SCN9A: variants seen among roughly 807,000 people sequenced by gnomAD.
SCN9A encodes the protein sodium channel protein type 9 subunit alpha.
Under a neutral mutation model 187.0 loss-of-function variants are expected in SCN9A, and 131 were observed. That is an observed-to-expected ratio of 0.70 (90% CI 0.61 to 0.81). SCN9A has a LOEUF of 0.81. Among genes scored for constraint, SCN9A ranks in the 30% least tolerant of loss-of-function variants. SCN9A has a pLI of 0.00. For missense variants in SCN9A, 2,252 were observed against 2,396.6 expected (o/e 0.94, Z 1.26); for synonymous variants, 809 against 808.6 (o/e 1.00, Z -0.01).
intron 24 of SCN9A, among the ~76,000 whole-genome samples, chr2:166,217,596 T>A (rs1265984158): frequency 6.6e-6 from 1 of 151,962 alleles, no homozygotes; most frequent in South Asian, 2.1e-4. Flanking sequence ...GAATGGCCAA[T>A]AGATATATTA....
intron 24 of SCN9A, among the ~76,000 whole-genome samples, chr2:166,207,745 T>C (rs16851787): frequency 0.03 from 4,537 of 152,234 alleles, 231 homozygotes; most frequent in African/African-American, 0.1. Context: ...CCGGCCACCT[T>C]AGAGTGTTTT....
intron 17 of SCN9A, among the ~76,000 whole-genome samples, chr2:166,255,392 T>C (rs1696223006): frequency 6.6e-6 from 1 of 151,566 alleles, no homozygotes; most frequent in Admixed American, 6.6e-5. Context: ...ATGTCCTAAG[T>C]TGTTCACTTA....
At chr2:166,290,276 C>T (rs1340465198) in intron 9 of SCN9A, among the ~76,000 whole-genome samples, 1 of 152,132 alleles carries the variant, frequency 6.6e-6, no homozygotes, top group African/African-American at 2.4e-5. Flanking sequence ...CATAGTATTC[C>T]ATGGTGTATA....
chr2:166,319,897 G>A (rs1168363110), intron 1 of SCN9A, among the ~76,000 whole-genome samples: 1 of 152,034 alleles, frequency 6.6e-6, no homozygotes, highest in African/African-American at 2.4e-5. Flanking sequence ...CCTGGCTAAA[G>A]TTTAAGTAAC....
At chr2:166,232,930 G>T (rs961207368) in intron 21 of SCN9A, among the ~76,000 whole-genome samples, 5 of 146,086 alleles carry the variant, frequency 3.4e-5, no homozygotes, top group Non-Finnish European at 7.5e-5. Flanking sequence ...ATATACTAAT[G>T]AGTATTATAC....
intron 1 of SCN9A, among the ~76,000 whole-genome samples, chr2:166,356,168 CTT>C (rs1013795408): frequency 1.3e-5 from 2 of 152,180 alleles, no homozygotes; most frequent in African/African-American, 2.4e-5. Context: ...GCCTCTGCCT[CTT>C]TTCTTTTCTC....
At chr2:166,295,008 G>T (rs1698236360) in intron 7 of SCN9A, among the ~76,000 whole-genome samples, 1 of 152,144 alleles carries the variant, frequency 6.6e-6, no homozygotes, top group Admixed American at 6.5e-5. Context: ...ATGATCTAAA[G>T]AAAATAAATT....
intron 1 of SCN9A, among the ~76,000 whole-genome samples, 159 bp downstream of exon 1, chr2:166,375,538 C>A (rs1421720553): frequency 6.6e-6 from 1 of 152,194 alleles, no homozygotes; most frequent in African/African-American, 2.4e-5. Context: ...CCCGGTCAAG[C>A]TTCTCCCCTC....
Position 166,199,153 on chromosome 2 carries a change from G to C in SCN9A, c.5486C>G (p.Pro1829Arg), listed in dbSNP as rs1179200678. Residue 1829 changes from proline to arginine, a missense_variant, in exon 27 of 27, where the codon CCC (proline) becomes CGC (arginine). Coordinates refer to ENST00000642356, the MANE Select transcript of SCN9A (RefSeq NM_001365536.1). Reference protein sequence around the residue: ...NKVQLIAMDLPMVSGDRIHCL... With the variant: ...NKVQLIAMDLRMVSGDRIHCL... ...ATGGATCCGGTCACCACTAACCATG[G>C]GCAGATCCATGGCAATGAGCTGGAC... is the stretch of plus-strand genomic sequence containing the variant. The C allele has an allele frequency of 4.3e-6, 7 of 1,613,976 alleles. No homozygotes were observed. In the Admixed American group the frequency reaches 1.2e-4, roughly 27 times the overall value.
chr2:166,360,807 C>T (rs1209265878), intron 1 of SCN9A, among the ~76,000 whole-genome samples: 1 of 152,190 alleles, frequency 6.6e-6, no homozygotes, highest in Non-Finnish European at 1.5e-5. Context: ...CTTCCCTATA[C>T]AGACTGAAAT....
At chr2:166,355,891 G>A (rs1474877832) in intron 1 of SCN9A, among the ~76,000 whole-genome samples, 3 of 151,716 alleles carry the variant, frequency 2.0e-5, no homozygotes, top group Non-Finnish European at 4.4e-5. Flanking sequence ...TCCTGCCTCA[G>A]CCTCCTGAGT....
intron 18 of SCN9A, among the ~76,000 whole-genome samples, chr2:166,248,496 A>G (rs1423769771): frequency 6.6e-6 from 1 of 152,176 alleles, no homozygotes; most frequent in Non-Finnish European, 1.5e-5. Flanking sequence ...GGATTTATGC[A>G]GAAACTCCAA....
At chr2:166,375,299 A>G (rs1334222769) in intron 1 of SCN9A, among the ~76,000 whole-genome samples, 1 of 152,204 alleles carries the variant, frequency 6.6e-6, no homozygotes, top group Non-Finnish European at 1.5e-5. Context: ...AATACAGCAC[A>G]TGCTTTTTGC....
intron 24 of SCN9A, among the ~76,000 whole-genome samples, chr2:166,207,329 A>G (rs1693854596): frequency 6.9e-6 from 1 of 145,652 alleles, no homozygotes; most frequent in Admixed American, 6.7e-5. Flanking sequence ...TATTTTTTTA[A>G]TTGTTTGCTA....
chr2:166,372,397 G>T (rs1700587530), intron 1 of SCN9A, among the ~76,000 whole-genome samples: 1 of 152,080 alleles, frequency 6.6e-6, no homozygotes, highest in East Asian at 1.9e-4. Context: ...TATTTTAAAA[G>T]AATATTTTAA....
chr2:166,284,180 C>T (rs905773080), intron 12 of SCN9A, among the ~76,000 whole-genome samples: 3 of 152,088 alleles, frequency 2.0e-5, no homozygotes, highest in Admixed American at 1.3e-4. Flanking sequence ...ATGTATCCGT[C>T]ATAAATTGTT....
At chr2:166,240,174 T>C (rs1219756738) in intron 19 of SCN9A, among the ~76,000 whole-genome samples, 1 of 152,162 alleles carries the variant, frequency 6.6e-6, no homozygotes, top group African/African-American at 2.4e-5. Flanking sequence ...CAAAATATCA[T>C]AATCTCACAG....
At position 166,284,650 on chromosome 2, in the gene SCN9A, T is replaced by G; in HGVS notation, c.1777A>C (p.Arg593=). 6.2e-7 allele frequency: 1 copy of G among 1,614,010 alleles called. No homozygotes were observed. The highest frequency in any genetic ancestry group is 8.5e-7 in the Non-Finnish European group (1 of 1,179,882). The change falls in exon 12 of 27, where the codon AGA becomes CGA. Residue 593 remains arginine, a synonymous_variant. Coordinates refer to ENST00000642356, the MANE Select transcript of SCN9A (RefSeq NM_001365536.1). The stretch of plus-strand genomic sequence containing the variant: ...TTACTGCTGCGTCGCTCCTGGGGTC[T>G]GTGGGGCACAAACAGTGAGCCCCTT... ...SRRGSLFVPH[R]PQERRSSNIS... is the part of the protein sequence containing the mutation.
chr2:166,211,199 T>C (rs115384645), intron 24 of SCN9A, among the ~76,000 whole-genome samples: 1 of 152,118 alleles, frequency 6.6e-6, no homozygotes, highest in Non-Finnish European at 1.5e-5. Flanking sequence ...ACAGCAGATT[T>C]CTCAGTGGAA....
Sources: allele counts gnomAD v4.1 joint callset (sites outside exome capture counted in the v4.1 genomes callset), GRCh38; gene constraint gnomAD v4.1.1; transcripts MANE v1.5; gene names NCBI Gene and HGNC (gene_info 2026-07-23, HGNC 2026-07-21).